SMG1: variants seen among roughly 807,000 people sequenced by gnomAD.
SMG1 encodes serine/threonine-protein kinase SMG1.
SMG1 carries 22 observed loss-of-function variants against 419.9 expected under a neutral mutation model. That is an observed-to-expected ratio of 0.05 (90% CI 0.04 to 0.07). The LOEUF is 0.07. Among genes scored for constraint, SMG1 ranks in the 10% least tolerant of loss-of-function variants. SMG1 has a pLI of 1.00. For missense variants in SMG1, 3,185 were observed against 4,342.0 expected, an observed-to-expected ratio of 0.73 and a Z score of 7.49; for synonymous variants, 1,538 against 1,553.5, an observed-to-expected ratio of 0.99 and a Z score of 0.23.
chr16:18,882,391 A>G, intron 9 of SMG1, 53 bp from the exon 10 acceptor site: 4 of 1,022,922 alleles, frequency 3.9e-6, no homozygotes, highest in Non-Finnish European at 4.0e-6. Flanking sequence ...TTTAAATAAA[A>G]AAAAAAAAAA....
At chr16:18,912,726 A>G (rs186890252) in intron 1 of SMG1, among the ~76,000 whole-genome samples, 2 of 152,258 alleles carry the variant, frequency 1.3e-5, no homozygotes, top group East Asian at 3.9e-4. Flanking sequence ...AAAAAGGAAC[A>G]TATTAAAATC....
chr16:18,909,620 G>A (rs1007783768), intron 1 of SMG1, among the ~76,000 whole-genome samples: 3 of 152,192 alleles, frequency 2.0e-5, no homozygotes, highest in African/African-American at 7.2e-5. Context: ...AATTTAATTA[G>A]AGGTCTCAAG....
Position 18,808,490 on chromosome 16 carries a change from A to G in SMG1, c.*1079T>C, listed in dbSNP as rs2031059800. The G allele has an allele frequency of 6.6e-6, 1 of 152,204 alleles. No homozygotes were observed. The highest frequency in any genetic ancestry group is 1.5e-5 in the Non-Finnish European group (1 of 68,036). The allele number at this position is 152,204 out of a possible 1,614,324, so 9.4% of individuals were successfully genotyped here. A position where few individuals can be genotyped will look rare whatever the true frequency, so the allele number is the denominator to read the frequency against. On this transcript the variant is annotated 3_prime_UTR_variant, in exon 63 of 63. Transcript: ENST00000446231. Reference sequence around the variant, plus strand: ...CTATCATCAACAATGTAAAACTCTAATAGATACTCTATCTTGGTTTTTAAA... The same window carrying G: ...CTATCATCAACAATGTAAAACTCTAGTAGATACTCTATCTTGGTTTTTAAA...
Position 18,836,399 on chromosome 16 carries a change from C to A in SMG1, c.7738G>T (p.Ala2580Ser). Residue 2580 changes from alanine to serine, a missense_variant, in exon 47 of 63, where the codon GCA becomes TCA. Ala to Ser is a moderately conservative substitution (Grantham distance 99). This residue lies in a region of SMG1 where 412 missense variants were observed against 546.6 expected (regional missense o/e 0.75). Coordinates refer to ENST00000446231, the MANE Select transcript of SMG1 (RefSeq NM_015092.5). ...AFNNLEATQL[A>S]SLLQEISTQM... is the part of the protein sequence containing the mutation. Reference sequence around the variant, plus strand: ...GTGCTTATCTCTTGAAGCAAGCTTGCAAGCTGTGTTGCTTCTAAATTATTG... The same window carrying A: ...GTGCTTATCTCTTGAAGCAAGCTTGAAAGCTGTGTTGCTTCTAAATTATTG... The A allele has an allele frequency of 6.2e-7, 1 of 1,613,952 alleles. No homozygotes were observed. The highest frequency in any genetic ancestry group is 1.1e-5 in the South Asian group (1 of 91,074).
rs900298986 is a variant in SMG1 at position 18,832,887 on chromosome 16, T to C, written c.8792+53A>G. 3 of 1,489,488 alleles carry C rather than the reference T, an allele frequency of 2.0e-6. No individual in the cohort carries two copies. The Admixed American group carries it at 5.1e-5, about 25-fold the overall frequency. The allele number at this position is 1,489,488 out of a possible 1,614,324, so 92.3% of individuals were successfully genotyped here. A position where few individuals can be genotyped will look rare whatever the true frequency, so the allele number is the denominator to read the frequency against. ...CGTTAAAGAGCTCAGAATCCCTTTC[T>C]CTGGCTGTCCCATCTCTTTTACAAG... On this transcript the variant is annotated intron_variant, in intron 51 of 62. Transcript: ENST00000446231.
intron 60 of SMG1, among the ~76,000 whole-genome samples, chr16:18,814,338 T>C (rs1328957197): frequency 6.6e-6 from 1 of 150,814 alleles, no homozygotes; most frequent in Admixed American, 6.6e-5. Context: ...CTGATATATA[T>C]ATATATTTTT....
At chr16:18,811,726 T>C (rs1266471262) in intron 62 of SMG1, 35 bp downstream of exon 62, 1 of 1,567,830 alleles carries the variant, frequency 6.4e-7, no homozygotes, top group Admixed American at 1.7e-5. Flanking sequence ...TCCAGCAGCA[T>C]TAAAATGTGT....
intron 11 of SMG1, chr16:18,878,299 CAA>C (rs71141083): frequency 2.8e-4 from 31 of 112,126 alleles, no homozygotes; most frequent in Non-Finnish European, 2.9e-4. Flanking sequence ...TCCGTCTCAA[CAA>C]AAAAAAAAAA....
chr16:18,845,298 G>A (rs2034194534), intron 39 of SMG1, 131 bp downstream of exon 39: 1 of 710,666 alleles, frequency 1.4e-6, no homozygotes, highest in Admixed American at 3.1e-5. Context: ...ATAAGCAACT[G>A]GCCACAGGCT....
At chr16:18,917,025 T>C (rs1028856258) in intron 1 of SMG1, among the ~76,000 whole-genome samples, 9 of 152,066 alleles carry the variant, frequency 5.9e-5, no homozygotes, top group East Asian at 1.9e-4. Context: ...AACATGAAGA[T>C]TGAGCAGATA....
In SMG1 at chr16:18,819,648, G is replaced by A. The variant is rs1023389703; in HGVS notation, c.9748C>T (p.Leu3250=). The change falls in exon 56 of 63, where the codon CTA becomes TTA. Residue 3250 remains leucine (L), a synonymous_variant. Transcript: ENST00000446231. ...ETSIATVQEK[L]AALESSIEQR... The stretch of plus-strand genomic sequence containing the variant: ...TCAATACTTGATTCAAGTGCAGCTA[G>A]CTTCTCCTATAAAAGCCAGCAGAAT... The A allele has an allele frequency of 1.9e-6, 3 of 1,563,852 alleles. No homozygotes were observed. The highest frequency in any genetic ancestry group is 2.6e-6 in the Non-Finnish European group (3 of 1,155,458).
At chr16:18,901,539 A>T (rs2037346411) in intron 1 of SMG1, among the ~76,000 whole-genome samples, 1 of 152,196 alleles carries the variant, frequency 6.6e-6, no homozygotes, top group Non-Finnish European at 1.5e-5. Flanking sequence ...ACTGTCTGTC[A>T]ACTAAACAGC....
chr16:18,912,671 T>A (rs577768625), intron 1 of SMG1, among the ~76,000 whole-genome samples: 2 of 152,230 alleles, frequency 1.3e-5, no homozygotes, highest in Admixed American at 1.3e-4. Flanking sequence ...ACTTACGACC[T>A]ATTTGCTATT....
chr16:18,887,789 A>C (rs1440983784), intron 6 of SMG1, among the ~76,000 whole-genome samples: 2 of 133,632 alleles, frequency 1.5e-5, no homozygotes, highest in African/African-American at 2.9e-5. Flanking sequence ...AAAAAAAAAA[A>C]AAAAAAAAAA....
intron 3 of SMG1, among the ~76,000 whole-genome samples, chr16:18,894,614 T>C (rs1334891667): frequency 2.1e-5 from 3 of 145,108 alleles, no homozygotes; most frequent in African/African-American, 7.7e-5. Context: ...AAAAGTTATA[T>C]ACCAACAATA....
Position 18,833,151 on chromosome 16 carries a change from A to C in SMG1, c.8581T>G (p.Phe2861Val). The C allele has an allele frequency of 6.2e-7, 1 of 1,613,686 alleles. No homozygotes were observed. Among genetic ancestry groups the C allele is most frequent in the Non-Finnish European group, 8.5e-7 (1 of 1,179,706 alleles). Residue 2861 changes from phenylalanine to valine, a missense_variant, in exon 51 of 63, where the codon TTC becomes GTC. Physicochemically the swap from Phe to Val is conservative, Grantham distance 50. Around this residue, in one of 27 missense-constraint regions of SMG1, gnomAD observed 412 missense variants for 546.6 expected, o/e 0.75. Coordinates refer to ENST00000446231, the MANE Select transcript of SMG1 (RefSeq NM_015092.5). ...GCTTCTGGAAATATGATTTGCCGGA[A>C]ATTCGAATTCAATTCCTATAAATAT... ...YTSLQELNSN[F>V]RQIIFPEALR...
rs2031140979 is a variant in SMG1, at chr16:18,809,238, G to A, written c.*331C>T. The A allele has an allele frequency of 3.5e-6, 1 of 283,542 alleles. No homozygotes were observed. Among genetic ancestry groups the A allele is most frequent in the Non-Finnish European group, 7.0e-6 (1 of 143,140 alleles). 17.6% of individuals were successfully genotyped at this position (283,542 alleles called of 1,614,324 possible). A position where few individuals can be genotyped will look rare whatever the true frequency, so the allele number is the denominator to read the frequency against. The stretch of plus-strand genomic sequence containing the variant: ...GGAATGGAGTTCCAAATCACTCTGT[G>A]CTCCGCGGCATCCCGATTTCTTTCC... On this transcript the variant is annotated 3_prime_UTR_variant, in exon 63 of 63. Transcript: ENST00000446231.
intron 55 of SMG1, 54 bp downstream of exon 55, chr16:18,827,977 A>G (rs2141190107): frequency 6.4e-7 from 1 of 1,560,050 alleles, no homozygotes. Flanking sequence ...CAATCATAGT[A>G]TTGGTTATTT....
At chr16:18,883,311 T>C (rs572548694) in intron 9 of SMG1, among the ~76,000 whole-genome samples, 1 of 152,332 alleles carries the variant, frequency 6.6e-6, no homozygotes, top group Non-Finnish European at 1.5e-5. Context: ...GCTCCTATGC[T>C]ATATTCGTAC....
Sources: allele counts gnomAD v4.1 joint callset (sites outside exome capture counted in the v4.1 genomes callset), GRCh38; gene constraint gnomAD v4.1.1; regional missense constraint gnomAD v4.1.1; transcripts MANE v1.5; gene names NCBI Gene and HGNC (gene_info 2026-07-23, HGNC 2026-07-21).